The following ITGA8 variants were observed in gnomAD, a reference collection of about 807,000 sequenced individuals.
ITGA8 encodes the protein integrin subunit alpha 8.
In ITGA8, 91 loss-of-function variants were observed where a neutral mutation model predicts 142.3. That is an observed-to-expected ratio of 0.64 (90% CI 0.54 to 0.76). The LOEUF is 0.76. Ranked by LOEUF, ITGA8 falls within the 30% of genes least tolerant of loss-of-function variation. The probability of loss-of-function intolerance (pLI) is 0.00; values close to 1 mark genes in which losing one functional copy is unlikely to be tolerated. For synonymous variants in ITGA8, 505 were observed against 485.2 expected, an observed-to-expected ratio of 1.04 and a Z score of -0.54; for missense variants, 1,406 against 1,327.7, an observed-to-expected ratio of 1.06 and a Z score of -0.92.
chr10:15,572,956 AT>A (rs1244398430), intron 24 of ITGA8, among the ~76,000 whole-genome samples: 7 of 152,188 alleles, frequency 4.6e-5, no homozygotes, highest in Admixed American at 4.6e-4. Flanking sequence ...AGAGATGAAC[AT>A]TTTTTAACAC....
chr10:15,599,428 T>C (rs78633336), intron 20 of ITGA8, among the ~76,000 whole-genome samples: 2,532 of 152,174 alleles, frequency 0.017, 80 homozygotes, highest in African/African-American at 0.057. Flanking sequence ...AATTCTTAAT[T>C]ATTTTAACAA....
At chr10:15,617,592 G>T (rs1833417961) in intron 13 of ITGA8, among the ~76,000 whole-genome samples, 1 of 151,972 alleles carries the variant, frequency 6.6e-6, no homozygotes, top group South Asian at 2.1e-4. Context: ...GTAGAGACGG[G>T]GTTTCACTGT....
intron 15 of ITGA8, among the ~76,000 whole-genome samples, chr10:15,613,115 T>C (rs912498090): frequency 1.8e-4 from 28 of 152,000 alleles, no homozygotes; most frequent in African/African-American, 5.3e-4. Context: ...GAGCCAAGAT[T>C]GTGCCACTGC....
At chr10:15,554,578 C>T (rs755456247) in intron 26 of ITGA8, among the ~76,000 whole-genome samples, 1 of 152,164 alleles carries the variant, frequency 6.6e-6, no homozygotes, top group East Asian at 1.9e-4. Context: ...TATGCACATG[C>T]ACCCAGGTCC....
In ITGA8 at chr10:15,655,423, G is replaced by A. The variant is rs764585737; in HGVS notation, c.949-17C>T. 1 of 1,596,866 alleles carries A rather than the reference G, an allele frequency of 6.3e-7. No individual in the cohort carries two copies. The highest frequency in any genetic ancestry group is 1.3e-5 in the African/African-American group (1 of 74,638). ...AGATGCCATCTGCAAAGGAAAATCAGGAGATGACATTTTGTGTCCAAAAAG... is the reference window on the plus strand; with the variant it reads ...AGATGCCATCTGCAAAGGAAAATCAAGAGATGACATTTTGTGTCCAAAAAG... On this transcript the variant is annotated splice_polypyrimidine_tract_variant and intron_variant, in intron 10 of 29. Transcript: ENST00000378076.
chr10:15,612,765 A>C (rs1419159658), intron 15 of ITGA8, among the ~76,000 whole-genome samples: 3 of 152,252 alleles, frequency 2.0e-5, no homozygotes, highest in Non-Finnish European at 4.4e-5. Context: ...AATCTTGTAT[A>C]ATGTGTTCCT....
chr10:15,639,561 G>T (rs1483443875), intron 13 of ITGA8, among the ~76,000 whole-genome samples: 1 of 152,188 alleles, frequency 6.6e-6, no homozygotes, highest in Non-Finnish European at 1.5e-5. Context: ...TGGTGTGAAG[G>T]CCAGCAGTAA....
intron 16 of ITGA8, 57 bp downstream of exon 16, chr10:15,608,178 G>A: frequency 1.7e-6 from 2 of 1,196,428 alleles, no homozygotes; most frequent in Non-Finnish European, 2.5e-6. Context: ...CAGAGAAATG[G>A]TTACTGTTCA....
At chr10:15,628,427 G>C (rs531520544) in intron 13 of ITGA8, among the ~76,000 whole-genome samples, 1 of 141,186 alleles carries the variant, frequency 7.1e-6, no homozygotes, top group African/African-American at 2.6e-5. Flanking sequence ...CCGCCTCCTG[G>C]GTTCACGCCA....
At chr10:15,601,072 C>T (rs1436385358) in intron 20 of ITGA8, among the ~76,000 whole-genome samples, 1 of 152,024 alleles carries the variant, frequency 6.6e-6, no homozygotes, top group Non-Finnish European at 1.5e-5. Flanking sequence ...AAACTGATCT[C>T]TACTAAAAAT....
At chr10:15,658,191 A>T (rs1834221003) in intron 10 of ITGA8, among the ~76,000 whole-genome samples, 1 of 152,174 alleles carries the variant, frequency 6.6e-6, no homozygotes. Flanking sequence ...TGGCTCAAAG[A>T]GGTCAGATGA....
In ITGA8 at chr10:15,655,354, C is replaced by G; in HGVS notation, c.1001G>C (p.Gly334Ala). Reference sequence around the variant, plus strand: ...ATATGAGAGAGGTCTATAAACTTACCCATCACTGTTAACATCTGATACGAC... The same window carrying G: ...ATATGAGAGAGGTCTATAAACTTACGCATCACTGTTAACATCTGATACGAC... ...TVVVSDVNSD[G>A]LDDVLVGAPL... The change falls in exon 11 of 30, where the codon GGA becomes GCA. Residue 334 changes from glycine to alanine, a missense_variant and splice_region_variant. Physicochemically the swap from Gly to Ala is moderately conservative, Grantham distance 60. Coordinates refer to ENST00000378076, the MANE Select transcript of ITGA8 (RefSeq NM_003638.3). 6.3e-7 allele frequency: 1 copy of G among 1,584,940 alleles called. No homozygotes were observed. Among genetic ancestry groups the G allele is most frequent in the Non-Finnish European group, 8.7e-7 (1 of 1,154,326 alleles).
At chr10:15,697,191 A>G (rs1170232219) in intron 2 of ITGA8, among the ~76,000 whole-genome samples, 10 of 152,220 alleles carry the variant, frequency 6.6e-5, no homozygotes, top group Admixed American at 3.9e-4. Flanking sequence ...TTCAACTGTT[A>G]TACACATATG....
At chr10:15,629,495 T>C (rs1833646909) in intron 13 of ITGA8, among the ~76,000 whole-genome samples, 1 of 152,062 alleles carries the variant, frequency 6.6e-6, no homozygotes. Context: ...GTCTATGTCA[T>C]CTTATGTAAA....
In ITGA8 at chr10:15,604,233, T is replaced by C; in HGVS notation, c.2093A>G (p.Tyr698Cys). 6.2e-7 allele frequency: 1 copy of C among 1,612,130 alleles called. No homozygotes were observed. Among genetic ancestry groups the C allele is most frequent in the South Asian group, 1.1e-5 (1 of 90,432 alleles). ...LFVMIPEEADYVGIERNNKGF... is the reference protein window; with the variant it reads ...LFVMIPEEADCVGIERNNKGF... ...CTTGTTGTTGCGTTCGATTCCAACATAATCTGCCTCTTCTGGTATCATTAC... is the reference window on the plus strand; with the variant it reads ...CTTGTTGTTGCGTTCGATTCCAACACAATCTGCCTCTTCTGGTATCATTAC... Residue 698 changes from tyrosine to cysteine, a missense_variant, in exon 20 of 30, where the codon TAT (tyrosine) becomes TGT (cysteine). Physicochemically the swap from Tyr to Cys is radical, Grantham distance 194. Coordinates refer to ENST00000378076, the MANE Select transcript of ITGA8 (RefSeq NM_003638.3).
chr10:15,696,021 C>T (rs555579960), intron 2 of ITGA8, among the ~76,000 whole-genome samples: 38 of 152,324 alleles, frequency 2.5e-4, no homozygotes, highest in African/African-American at 8.4e-4. Flanking sequence ...CGTGAAATTC[C>T]TTCCTAGTTG....
Position 15,519,323 on chromosome 10 carries a change from C to T in ITGA8, c.3072G>A (p.Leu1024=). The part of the protein sequence containing the change: ...VIILAILLGL[L]VLAILTLALW... ...AAGCTAAGGTTAAAATGGCGAGAAC[C>T]AACAATCCAAGAAGTATTGCTAGTA... Residue 1024 remains leucine, a synonymous_variant, in exon 29 of 30, where the codon TTG becomes TTA. Coordinates refer to ENST00000378076, the MANE Select transcript of ITGA8 (RefSeq NM_003638.3). The T allele has an allele frequency of 6.2e-7, 1 of 1,613,630 alleles. No individual in the cohort carries two copies. Among genetic ancestry groups the T allele is most frequent in the South Asian group, 1.1e-5 (1 of 91,048 alleles).
At chr10:15,711,633 T>C (rs1033875504) in intron 2 of ITGA8, among the ~76,000 whole-genome samples, 4 of 151,914 alleles carry the variant, frequency 2.6e-5, no homozygotes, top group Admixed American at 6.6e-5. Flanking sequence ...AATCAAGATA[T>C]AGAAAGTTCC....
At chr10:15,586,554 A>T (rs777720061) in intron 23 of ITGA8, 30 bp downstream of exon 23, 5 of 1,299,416 alleles carry the variant, frequency 3.8e-6, no homozygotes, top group East Asian at 2.3e-5. Flanking sequence ...ATACAGAAGG[A>T]TATTGTACTA....
Sources: gnomAD v4.1 joint callset for allele counts (sites outside exome capture counted in the v4.1 genomes callset) on GRCh38, gnomAD v4.1.1 for gene constraint, MANE v1.5 for transcripts, NCBI Gene and HGNC (gene_info 2026-07-23, HGNC 2026-07-21) for gene names.